The following GRM7 variants were observed in gnomAD, a reference collection of about 807,000 sequenced individuals.
GRM7 encodes the protein glutamate metabotropic receptor 7.
A neutral mutation model predicts 84.5 loss-of-function variants in GRM7; 35 were observed. The observed-to-expected ratio is 0.41, with a 90% confidence interval of 0.32 to 0.55. The LOEUF (loss-of-function observed/expected upper bound fraction) is 0.55. GRM7 is among the 20% of genes least tolerant of loss of function. The pLI is 0.19. For missense variants in GRM7, 1,003 were observed against 1,194.6 expected, an observed-to-expected ratio of 0.84 and a Z score of 2.36; for synonymous variants, 487 against 455.1, an observed-to-expected ratio of 1.07 and a Z score of -0.89.
intron 1 of GRM7, among the ~76,000 whole-genome samples, chr3:7,033,003 G>A (rs1206474893): frequency 6.6e-6 from 1 of 152,146 alleles, no homozygotes; most frequent in Non-Finnish European, 1.5e-5. Flanking sequence ...TCTTGAGGCT[G>A]GAAGTCTGAA....
intron 1 of GRM7, among the ~76,000 whole-genome samples, chr3:6,965,370 T>C (rs1326651053): frequency 1.3e-5 from 2 of 152,122 alleles, no homozygotes; most frequent in Non-Finnish European, 2.9e-5. Flanking sequence ...CAGGCTGGAG[T>C]GCAGTGATGT....
intron 2 of GRM7, among the ~76,000 whole-genome samples, chr3:7,294,010 T>G (rs1194824170): frequency 6.6e-6 from 1 of 152,236 alleles, no homozygotes; most frequent in Non-Finnish European, 1.5e-5. Flanking sequence ...ACATTTTAGC[T>G]TTATGAACAG....
At chr3:7,445,321 T>G (rs1274181863) in intron 5 of GRM7, among the ~76,000 whole-genome samples, 1 of 152,188 alleles carries the variant, frequency 6.6e-6, no homozygotes, top group Non-Finnish European at 1.5e-5. Flanking sequence ...GGCTCATTTT[T>G]TATAATGGGC....
At chr3:7,428,645 A>G (rs1275626171) in intron 5 of GRM7, among the ~76,000 whole-genome samples, 1 of 152,200 alleles carries the variant, frequency 6.6e-6, no homozygotes, top group Non-Finnish European at 1.5e-5. Flanking sequence ...ACAGCCACAC[A>G]GTCAGACATA....
chr3:6,938,825 G>A (rs910379026), intron 1 of GRM7, among the ~76,000 whole-genome samples: 1 of 152,194 alleles, frequency 6.6e-6, no homozygotes, highest in African/African-American at 2.4e-5. Flanking sequence ...AAATCATGAA[G>A]TTGTGTCTTA....
intron 4 of GRM7, among the ~76,000 whole-genome samples, chr3:7,344,618 C>T (rs923726600): frequency 4.6e-5 from 7 of 152,082 alleles, no homozygotes; most frequent in African/African-American, 9.7e-5. Flanking sequence ...GCCTGTTATT[C>T]GTGCAACATG....
chr3:7,200,840 G>A lies in GRM7; in HGVS notation c.736+54172G>A, dbSNP rs114060703. ...CTCAAACCTGTCACTCCTCCTCACC[G>A]TATTTCTTCCTTTAGTAACCTAGTA... is the stretch of plus-strand genomic sequence containing the variant. On this transcript the variant is annotated intron_variant, in intron 2 of 9. Transcript: ENST00000357716. 1.2e-3 allele frequency among the ~76,000 whole-genome samples: 177 copies of A among 151,964 alleles called. 1 individual carries two copies. Among genetic ancestry groups the A allele is most frequent in the African/African-American group, 4.2e-3 (172 of 41,412 alleles).
intron 9 of GRM7, among the ~76,000 whole-genome samples, chr3:7,715,119 A>G (rs775459594): frequency 6.6e-6 from 1 of 152,120 alleles, no homozygotes; most frequent in Non-Finnish European, 1.5e-5. Flanking sequence ...GCATGACCCA[A>G]TAGGAAATTA....
rs1559440088 is a variant in GRM7 at position 7,099,892 on chromosome 3, T to TATGTATATGTACACGCATTATACATGTGC, written c.520-46559_520-46558insTGTATATGTACACGCATTATACATGTGCA. ...TATATGTACACGCATTATACATATA[T>TATGTATATGTACACGCATTATACATGTGC]ACATAGATTATACATATATAATATT... On this transcript the variant is annotated intron_variant, in intron 1 of 9. Transcript: ENST00000357716. Among the ~76,000 whole-genome samples the TATGTATATGTACACGCATTATACATGTGC allele has an allele frequency of 5.0e-4, 66 of 132,520 alleles. 9 individuals are homozygous for TATGTATATGTACACGCATTATACATGTGC. The highest frequency in any genetic ancestry group is 1.9e-3 in the African/African-American group (61 of 31,622). The allele number at this position is 132,520 out of a possible 152,430, so 86.9% of individuals were successfully genotyped here.
chr3:7,691,507 A>G (rs552150925), intron 9 of GRM7, among the ~76,000 whole-genome samples: 90 of 152,288 alleles, frequency 5.9e-4, no homozygotes, highest in Non-Finnish European at 9.8e-4. Flanking sequence ...TTCCTCTTTA[A>G]TAAGATGGAA....
intron 7 of GRM7, among the ~76,000 whole-genome samples, chr3:7,472,473 C>A (rs545488677): frequency 2.0e-5 from 3 of 152,290 alleles, no homozygotes; most frequent in Admixed American, 6.5e-5. Flanking sequence ...CAACGATAAA[C>A]ATATAGAATC....
At chr3:6,966,084 G>A (rs1255055881) in intron 1 of GRM7, among the ~76,000 whole-genome samples, 2 of 152,190 alleles carry the variant, frequency 1.3e-5, no homozygotes, top group Non-Finnish European at 2.9e-5. Context: ...AGTGCTATAC[G>A]AAATGCCCTT....
At chr3:7,196,503 C>T (rs181613808) in intron 2 of GRM7, among the ~76,000 whole-genome samples, 210 of 152,184 alleles carry the variant, frequency 1.4e-3, no homozygotes, top group African/African-American at 4.9e-3. Context: ...AGACAGGGAC[C>T]GTCTTTCCAG....
At chr3:7,000,798 C>A (rs1264852832) in intron 1 of GRM7, among the ~76,000 whole-genome samples, 1 of 152,130 alleles carries the variant, frequency 6.6e-6, no homozygotes, top group Non-Finnish European at 1.5e-5. Context: ...GAGACAGAGC[C>A]ACACATTGGC....
chr3:7,638,268 T>C (rs1485166), intron 8 of GRM7, among the ~76,000 whole-genome samples: 132,267 of 152,186 alleles, frequency 0.87, 57,621 homozygotes, highest in African/African-American at 0.93. Flanking sequence ...AGCTCCATAA[T>C]ATATAAGGAC....
chr3:7,335,531 C>A (rs531002599), intron 4 of GRM7, among the ~76,000 whole-genome samples: 8 of 151,850 alleles, frequency 5.3e-5, no homozygotes, highest in African/African-American at 1.9e-4. Context: ...AAAACCCAAC[C>A]CAGCAGAAGT....
chr3:7,042,520 A>T (rs1696664907), intron 1 of GRM7, among the ~76,000 whole-genome samples: 1 of 151,212 alleles, frequency 6.6e-6, no homozygotes, highest in African/African-American at 2.4e-5. Context: ...TTTTCCCCCC[A>T]TTCTTTCTTT....
intron 2 of GRM7, among the ~76,000 whole-genome samples, chr3:7,292,144 C>T (rs772265124): frequency 6.6e-6 from 1 of 152,152 alleles, no homozygotes; most frequent in Non-Finnish European, 1.5e-5. Context: ...AGCATGAAAA[C>T]ACACTAATAC....
chr3:6,876,751 G>A (rs1332913287), intron 1 of GRM7, among the ~76,000 whole-genome samples: 11 of 151,834 alleles, frequency 7.2e-5, no homozygotes, highest in Non-Finnish European at 1.2e-4. Context: ...ATAGGCACCC[G>A]TCACCACGCC....
Sources: allele counts gnomAD v4.1 joint callset (sites outside exome capture counted in the v4.1 genomes callset), GRCh38; gene constraint gnomAD v4.1.1; transcripts MANE v1.5; gene names NCBI Gene and HGNC (gene_info 2026-07-23, HGNC 2026-07-21).